NMNAT1: variants seen among roughly 807,000 people sequenced by gnomAD.
NMNAT1 encodes the protein nicotinamide/nicotinic acid mononucleotide adenylyltransferase 1.
NMNAT1 carries 11 observed loss-of-function variants against 16.7 expected under a neutral mutation model. The ratio of observed to expected loss-of-function variants is 0.66; its 90% CI spans 0.41 to 1.09. The LOEUF (loss-of-function observed/expected upper bound fraction) is 1.09, where lower values mean the gene tolerates loss of function less well. Among genes scored for constraint, NMNAT1 ranks in the 50% least tolerant of loss-of-function variants. NMNAT1 has a pLI of 0.00. For missense variants in NMNAT1, 280 were observed against 332.3 expected, an observed-to-expected ratio of 0.84 and a Z score of 1.22; for synonymous variants, 110 against 119.8, an observed-to-expected ratio of 0.92 and a Z score of 0.53.
chr1:9,963,883 AATTTT>A (rs756959957), intron 1 of NMNAT1, among the ~76,000 whole-genome samples: 2 of 151,910 alleles, frequency 1.3e-5, no homozygotes, highest in Non-Finnish European at 2.9e-5. Context: ...AATGTGTATG[AATTTT>A]ATTTTATTTT....
chr1:9,992,957 CT>C, the NMNAT1 span, among the ~76,000 whole-genome samples: 6 of 151,986 alleles, frequency 3.9e-5, no homozygotes, highest in African/African-American at 1.4e-4. Flanking sequence ...CTAATAGTGA[CT>C]TTTGAGCTGG....
intron 1 of NMNAT1, among the ~76,000 whole-genome samples, chr1:9,963,747 T>C (rs1641479737): frequency 6.6e-6 from 1 of 151,884 alleles, no homozygotes; most frequent in East Asian, 1.9e-4. Context: ...TAGTGAAAAA[T>C]TAGAAAAACC....
rs1227202643 is a variant in NMNAT1 at position 9,983,347 on chromosome 1, T to TCCC, written c.*648_*649insCCC. ...TCCAGCCTGGGCAAAAAAGCAAAAC[T>TCCC]CCATCTCAAAGAGAAAAAAAAAAAA... is the stretch of plus-strand genomic sequence containing the variant. On this transcript the variant is annotated 3_prime_UTR_variant, in exon 5 of 5. Transcript: ENST00000377205. The TCCC allele has an allele frequency of 1.5e-5, 2 of 136,956 alleles. No individual in the cohort carries two copies. The highest frequency in any genetic ancestry group is 3.1e-5 in the Non-Finnish European group (2 of 64,162). 8.5% of individuals were successfully genotyped at this position (136,956 alleles called of 1,614,324 possible). A position where few individuals can be genotyped will look rare whatever the true frequency, so the allele number is the denominator to read the frequency against.
In NMNAT1 at chr1:9,985,249, A is replaced by G. The variant is rs920493015; in HGVS notation, c.*2548A>G. The G allele has an allele frequency of 2.0e-5, 3 of 152,118 alleles. No homozygotes were observed. The highest frequency in any genetic ancestry group is 4.4e-5 in the Non-Finnish European group (3 of 68,024). The allele number at this position is 152,118 out of a possible 1,614,324, so 9.4% of individuals were successfully genotyped here. On this transcript the variant is annotated 3_prime_UTR_variant, in exon 5 of 5. Transcript: ENST00000377205. ...CCAGTGGTGCTGTTTGAACTTCATA[A>G]TGTCAGCACTTCCTGAACACTTACT...
intron 4 of NMNAT1, chr1:9,981,562 G>A (rs1037703511): frequency 1.8e-5 from 3 of 166,310 alleles, no homozygotes; most frequent in Non-Finnish European, 3.9e-5. Flanking sequence ...ATAGAGATGG[G>A]GTCTCACTAT....
intron 1 of NMNAT1, among the ~76,000 whole-genome samples, chr1:9,945,571 A>G (rs978368576): frequency 5.9e-5 from 9 of 152,040 alleles, no homozygotes; most frequent in African/African-American, 1.9e-4. Context: ...ATGGTGGCGT[A>G]TGCCTGTAGT....
intron 1 of NMNAT1, among the ~76,000 whole-genome samples, chr1:9,957,299 G>A (rs1390389389): frequency 6.6e-6 from 1 of 152,146 alleles, no homozygotes; most frequent in African/African-American, 2.4e-5. Context: ...AAAGTGCTGG[G>A]ATTACAGGTG....
chr1:9,952,986 G>GT (rs542040218), intron 1 of NMNAT1, among the ~76,000 whole-genome samples: 3,550 of 146,272 alleles, frequency 0.024, 51 homozygotes, highest in South Asian at 0.041. Context: ...TTGTATGCAT[G>GT]TTTTTTTTTT....
intron 1 of NMNAT1, among the ~76,000 whole-genome samples, chr1:9,963,738 A>G (rs925900722): frequency 2.6e-5 from 4 of 151,860 alleles, no homozygotes; most frequent in African/African-American, 4.8e-5. Context: ...TGTTTGTAAT[A>G]GTGAAAAATT....
At chr1:9,953,509 C>G (rs182438645) in intron 1 of NMNAT1, among the ~76,000 whole-genome samples, 1 of 150,340 alleles carries the variant, frequency 6.7e-6, no homozygotes, top group African/African-American at 2.4e-5. Flanking sequence ...GGCATGATCT[C>G]GGCTGACTGC....
rs934177234 is a variant in NMNAT1, at chr1:9,982,892, G to A, written c.*191G>A. 2 of 525,202 alleles carry A rather than the reference G, an allele frequency of 3.8e-6. No homozygotes were observed. Among genetic ancestry groups the A allele is most frequent in the African/African-American group, 1.9e-5 (1 of 51,810 alleles). 32.5% of individuals were successfully genotyped at this position (525,202 alleles called of 1,614,324 possible). On this transcript the variant is annotated 3_prime_UTR_variant, in exon 5 of 5. Transcript: ENST00000377205. ...GGAGGCTGAGGCAGGTGGATCACGG[G>A]GTCAAGAGATCGAGACCATCCTGGC...
intron 1 of NMNAT1, among the ~76,000 whole-genome samples, chr1:9,961,521 C>A (rs1321937550): frequency 2.6e-5 from 4 of 152,130 alleles, no homozygotes; most frequent in Non-Finnish European, 5.9e-5. Context: ...CCCATAATAC[C>A]ACTGGTAGTT....
chr1:9,944,712 A>C (rs1557452132), intron 1 of NMNAT1, among the ~76,000 whole-genome samples: 1 of 152,224 alleles, frequency 6.6e-6, no homozygotes, highest in Non-Finnish European at 1.5e-5. Flanking sequence ...TCAGCTACCC[A>C]GGATAAACTT....
At chr1:9,957,161 C>T (rs141310602) in intron 1 of NMNAT1, among the ~76,000 whole-genome samples, 1 of 152,146 alleles carries the variant, frequency 6.6e-6, no homozygotes, top group African/African-American at 2.4e-5. Context: ...TCCTGAGTAG[C>T]TGGGATTACA....
At chr1:9,972,802 A>T (rs1437157655) in intron 2 of NMNAT1, among the ~76,000 whole-genome samples, 1 of 152,056 alleles carries the variant, frequency 6.6e-6, no homozygotes, top group African/African-American at 2.4e-5. Flanking sequence ...TACAAAAAAA[A>T]TTGTAAACAT....
intron 3 of NMNAT1, among the ~76,000 whole-genome samples, chr1:9,977,545 A>T (rs777678906): frequency 6.6e-6 from 1 of 152,112 alleles, no homozygotes; most frequent in Non-Finnish European, 1.5e-5. Flanking sequence ...AAGTGGAAAG[A>T]GATTTAAGTA....
At chr1:9,962,516 TA>T (rs1641441773) in intron 1 of NMNAT1, among the ~76,000 whole-genome samples, 1 of 151,592 alleles carries the variant, frequency 6.6e-6, no homozygotes, top group South Asian at 2.1e-4. Flanking sequence ...CCATTCATTT[TA>T]ACACTGTGCC....
intron 1 of NMNAT1, among the ~76,000 whole-genome samples, chr1:9,968,512 A>G (rs141581145): frequency 0.019 from 2,347 of 125,702 alleles, 33 homozygotes; most frequent in Non-Finnish European, 0.031. Context: ...CATGCCTGTA[A>G]TGCCAATACT....
chr1:9,950,089 GCTTT>G (rs1330907584), intron 1 of NMNAT1: 1 of 151,868 alleles, frequency 6.6e-6, no homozygotes, highest in Non-Finnish European at 1.5e-5. Context: ...CTTAAATGCA[GCTTT>G]CTTTTTCTTT....
Sources: gnomAD v4.1 joint callset for allele counts (sites outside exome capture counted in the v4.1 genomes callset) on GRCh38, gnomAD v4.1.1 for gene constraint, MANE v1.5 for transcripts, NCBI Gene and HGNC (gene_info 2026-07-23, HGNC 2026-07-21) for gene names.